ADAMTS6: variants seen among roughly 807,000 people sequenced by gnomAD.
ADAMTS6 encodes ADAM metallopeptidase with thrombospondin type 1 motif 6.
In ADAMTS6, 23 loss-of-function variants were observed where a neutral mutation model predicts 144.3. That is an observed-to-expected ratio of 0.16 (90% CI 0.11 to 0.23). ADAMTS6 has a LOEUF of 0.23. Ranked by LOEUF, ADAMTS6 falls within the 10% of genes least tolerant of loss-of-function variation. ADAMTS6 has a pLI of 1.00. For missense variants in ADAMTS6, 999 were observed against 1,379.6 expected (o/e 0.72, Z 4.37); for synonymous variants, 444 against 457.5 (o/e 0.97, Z 0.38).
Position 65,151,781 on chromosome 5 carries a change from G to T in ADAMTS6, c.*55C>A. ...CCTCTTCCTCTGGGTGGCTCTCTTT[G>T]ATGGATGCATTTCCATGATGAAATG... On this transcript the variant is annotated 3_prime_UTR_variant, in exon 25 of 25. Coordinates refer to ENST00000381055, the MANE Select transcript of ADAMTS6 (RefSeq NM_197941.4). 1 of 1,492,482 alleles carries T rather than the reference G, an allele frequency of 6.7e-7. No homozygotes were observed. The highest frequency in any genetic ancestry group is 9.3e-7 in the Non-Finnish European group (1 of 1,074,614). The allele number at this position is 1,492,482 out of a possible 1,614,324, so 92.5% of individuals were successfully genotyped here.
chr5:65,237,209 C>T (rs933161981), intron 15 of ADAMTS6, among the ~76,000 whole-genome samples: 1 of 151,710 alleles, frequency 6.6e-6, no homozygotes, highest in African/African-American at 2.4e-5. Flanking sequence ...GCCTAGACAA[C>T]ATAGGAAGAT....
chr5:65,406,910 T>C (rs1208969659), intron 7 of ADAMTS6, among the ~76,000 whole-genome samples: 1 of 152,016 alleles, frequency 6.6e-6, no homozygotes, highest in African/African-American at 2.4e-5. Flanking sequence ...ATGAATGAAA[T>C]GAAGCGAGAA....
chr5:65,423,886 C>G (rs1756281657), intron 7 of ADAMTS6, among the ~76,000 whole-genome samples: 1 of 152,062 alleles, frequency 6.6e-6, no homozygotes. Flanking sequence ...TCACATTTTA[C>G]AACTAAGAAG....
At chr5:65,230,393 AAT>A (rs1212744073) in intron 15 of ADAMTS6, among the ~76,000 whole-genome samples, 3 of 92,206 alleles carry the variant, frequency 3.3e-5, no homozygotes, top group Admixed American at 1.2e-4. Context: ...ATATATATGA[AAT>A]ATATATAATA....
intron 2 of ADAMTS6, among the ~76,000 whole-genome samples, chr5:65,471,876 A>G (rs1319805754): frequency 1.3e-5 from 2 of 152,260 alleles, no homozygotes; most frequent in African/African-American, 4.8e-5. Context: ...GGAGTTAACC[A>G]TATGATCCAG....
At position 65,242,198 on chromosome 5, in the gene ADAMTS6, A is replaced by T; in HGVS notation, c.1839T>A (p.Pro613=). ...RYRSCNTDPC[P]LGSRDFREKQ... is the part of the protein sequence containing the mutation. ...TCTCTCGAAAATCTCGGGAACCCAA[A>T]GGGCATGGCTAAAATAAAATAAAAT... The change falls in exon 15 of 25, where the codon CCT becomes CCA. Residue 613 remains proline, a synonymous_variant. Coordinates refer to ENST00000381055, the MANE Select transcript of ADAMTS6 (RefSeq NM_197941.4). The T allele has an allele frequency of 2.5e-6, 4 of 1,595,376 alleles. No homozygotes were observed. Among genetic ancestry groups the T allele is most frequent in the Non-Finnish European group, 3.4e-6 (4 of 1,168,580 alleles).
At chr5:65,423,356 A>G (rs1468644540) in intron 7 of ADAMTS6, among the ~76,000 whole-genome samples, 1 of 152,214 alleles carries the variant, frequency 6.6e-6, no homozygotes, top group African/African-American at 2.4e-5. Context: ...AATTCCTCTA[A>G]GTAAGTATCA....
intron 7 of ADAMTS6, among the ~76,000 whole-genome samples, chr5:65,439,765 T>A (rs908569353): frequency 3.3e-5 from 5 of 152,198 alleles, no homozygotes; most frequent in African/African-American, 1.2e-4. Flanking sequence ...ATATCTTGAT[T>A]TTGACAACTG....
intron 7 of ADAMTS6, among the ~76,000 whole-genome samples, chr5:65,410,952 T>A (rs1208362874): frequency 1.3e-5 from 2 of 152,086 alleles, no homozygotes; most frequent in Non-Finnish European, 2.9e-5. Flanking sequence ...ATCCTCCTGC[T>A]TCAGGCTCCT....
intron 9 of ADAMTS6, among the ~76,000 whole-genome samples, chr5:65,324,116 A>T (rs1319078530): frequency 6.6e-6 from 1 of 152,108 alleles, no homozygotes; most frequent in Non-Finnish European, 1.5e-5. Flanking sequence ...GAAGCTCTTT[A>T]GTTTAATTAT....
At chr5:65,251,317 C>A (rs1760138157) in intron 14 of ADAMTS6, 1 of 152,282 alleles carries the variant, frequency 6.6e-6, no homozygotes, top group Non-Finnish European at 1.5e-5. Context: ...CTGTGTCAGT[C>A]AATGAACTCT....
At chr5:65,449,027 C>T (rs1311983022) in intron 7 of ADAMTS6, among the ~76,000 whole-genome samples, 1 of 152,068 alleles carries the variant, frequency 6.6e-6, no homozygotes, top group African/African-American at 2.4e-5. Flanking sequence ...TCCTCTGATC[C>T]TCAAAAAATA....
At chr5:65,217,858 T>A (rs1757045393) in intron 18 of ADAMTS6, among the ~76,000 whole-genome samples, 1 of 152,184 alleles carries the variant, frequency 6.6e-6, no homozygotes. Context: ...CTGAAATAAC[T>A]GGTATTAGAA....
At chr5:65,288,300 CTTT>C (rs1741904217) in intron 11 of ADAMTS6, among the ~76,000 whole-genome samples, 2 of 144,788 alleles carry the variant, frequency 1.4e-5, no homozygotes, top group East Asian at 2.0e-4. Flanking sequence ...TTTCTTTTTT[CTTT>C]TTTTCTTTTC....
At chr5:65,266,267 A>C (rs550593376) in intron 12 of ADAMTS6, among the ~76,000 whole-genome samples, 2 of 152,052 alleles carry the variant, frequency 1.3e-5, no homozygotes, top group South Asian at 2.1e-4. Flanking sequence ...ACTTCGTAAA[A>C]TGCTGCTCAG....
At chr5:65,170,488 A>T (rs1419556715) in intron 24 of ADAMTS6, 129 bp downstream of exon 24, 1 of 1,055,346 alleles carries the variant, frequency 9.5e-7, no homozygotes, top group Non-Finnish European at 1.3e-6. Flanking sequence ...CTGTCTGCAT[A>T]TAAGCAGCTT....
At chr5:65,216,330 G>C (rs1756914315) in intron 18 of ADAMTS6, among the ~76,000 whole-genome samples, 2 of 151,868 alleles carry the variant, frequency 1.3e-5, no homozygotes, top group Non-Finnish European at 2.9e-5. Flanking sequence ...AGACCAGACA[G>C]GAAAGATCAC....
intron 20 of ADAMTS6, among the ~76,000 whole-genome samples, chr5:65,208,925 T>C (rs1756303989): frequency 1.1e-4 from 16 of 152,200 alleles, no homozygotes; most frequent in Admixed American, 1.0e-3. Flanking sequence ...CCTGGAAACT[T>C]AGAAATGTAA....
intron 3 of ADAMTS6, among the ~76,000 whole-genome samples, chr5:65,462,976 A>C (rs1316478001): frequency 6.6e-6 from 1 of 151,738 alleles, no homozygotes; most frequent in African/African-American, 2.4e-5. Context: ...GCTACTCGGG[A>C]GGCTGAGGAA....
Sources: gnomAD v4.1 joint callset for allele counts (sites outside exome capture counted in the v4.1 genomes callset) on GRCh38, gnomAD v4.1.1 for gene constraint, MANE v1.5 for transcripts, NCBI Gene and HGNC (gene_info 2026-07-23, HGNC 2026-07-21) for gene names.